CFAP54: variants seen among roughly 807,000 people sequenced by gnomAD.
The protein encoded by CFAP54 is cilia and flagella associated protein 54.
CFAP54 carries 290 observed loss-of-function variants against 370.4 expected under a neutral mutation model. The observed-to-expected ratio is 0.78, with a 90% CI of 0.71 to 0.86. The LOEUF is 0.86. Ranked by LOEUF, CFAP54 falls within the 40% of genes least tolerant of loss-of-function variation. The pLI, the probability that CFAP54 is intolerant of heterozygous loss-of-function variation, is 0.00. For synonymous variants in CFAP54, 1,206 were observed against 1,236.5 expected, an observed-to-expected ratio of 0.98 and a Z score of 0.52; for missense variants, 3,399 against 3,528.7, an observed-to-expected ratio of 0.96 and a Z score of 0.93.
Position 96,720,391 on chromosome 12 carries a change from T to C in CFAP54, c.6805-14T>C. ...ATTTCTGAACTCACGTGATGTATGGTATCCTTTCCTTAGTCGATGTTACTG... is the reference window on the plus strand; with the variant it reads ...ATTTCTGAACTCACGTGATGTATGGCATCCTTTCCTTAGTCGATGTTACTG... On this transcript the variant is annotated splice_polypyrimidine_tract_variant and intron_variant, in intron 49 of 67. Coordinates refer to ENST00000524981, the MANE Select transcript of CFAP54 (RefSeq NM_001306084.2). 6.9e-7 allele frequency: 1 copy of C among 1,451,936 alleles called. No individual in the cohort carries two copies. The highest frequency in any genetic ancestry group is 1.4e-5 in the African/African-American group (1 of 69,718). The allele number at this position is 1,451,936 out of a possible 1,614,324, so 89.9% of individuals were successfully genotyped here.
chr12:96,853,024 G>A (rs967349988), intron 66 of CFAP54, among the ~76,000 whole-genome samples: 4 of 152,072 alleles, frequency 2.6e-5, no homozygotes, highest in Admixed American at 1.3e-4. Context: ...TTAGAAAATT[G>A]TTGAGGTACA....
chr12:96,492,671 A>G (rs1356964988), intron 1 of CFAP54, among the ~76,000 whole-genome samples: 2 of 152,222 alleles, frequency 1.3e-5, no homozygotes, highest in African/African-American at 4.8e-5. Flanking sequence ...AACATTCAAT[A>G]AATATTTAGT....
intron 60 of CFAP54, among the ~76,000 whole-genome samples, chr12:96,768,946 G>A (rs1362312666): frequency 6.6e-6 from 1 of 152,158 alleles, no homozygotes; most frequent in East Asian, 1.9e-4. Flanking sequence ...AGTCATGTGT[G>A]GAGAGTGGAC....
intron 19 of CFAP54, among the ~76,000 whole-genome samples, chr12:96,575,424 G>C (rs190608973): frequency 2.7e-3 from 416 of 152,028 alleles, no homozygotes; most frequent in Non-Finnish European, 4.7e-3. Context: ...CTTTGTCAGT[G>C]TGCTTTCGGT....
chr12:96,592,181 A>G (rs991139265), intron 23 of CFAP54, among the ~76,000 whole-genome samples: 3 of 152,196 alleles, frequency 2.0e-5, no homozygotes, highest in Non-Finnish European at 4.4e-5. Flanking sequence ...TGTCACAGAG[A>G]TAGAAAAATT....
chr12:96,550,610 T>C (rs777775238), intron 15 of CFAP54, among the ~76,000 whole-genome samples: 1 of 152,110 alleles, frequency 6.6e-6, no homozygotes, highest in Non-Finnish European at 1.5e-5. Context: ...GGGATATCTT[T>C]TAGAGACTTC....
Position 96,603,638 on chromosome 12 carries a change from T to A in CFAP54, c.3639+4871T>A, listed in dbSNP as rs148018168. 4.8e-3 allele frequency among the ~76,000 whole-genome samples: 732 copies of A among 152,318 alleles called. 7 individuals are homozygous for A. Among genetic ancestry groups the A allele is most frequent in the African/African-American group, 0.017 (692 of 41,582 alleles). ...TTTTCACATAGTCCCATATTTCTTG[T>A]AGGCTTTGTTCGTTTCTTTTTACTC... is the stretch of plus-strand genomic sequence containing the variant. On this transcript the variant is annotated intron_variant, in intron 26 of 67. Coordinates refer to ENST00000524981, the MANE Select transcript of CFAP54 (RefSeq NM_001306084.2).
In CFAP54 at chr12:96,630,293, A is replaced by C. The variant is rs1285348442; in HGVS notation, c.4215+89A>C. The C allele has an allele frequency of 2.3e-5, 15 of 657,772 alleles. 1 individual carries two copies. 40.7% of individuals were successfully genotyped at this position (657,772 alleles called of 1,614,324 possible). A position where few individuals can be genotyped will look rare whatever the true frequency, so the allele number is the denominator to read the frequency against. On this transcript the variant is annotated intron_variant, in intron 31 of 67. Coordinates refer to ENST00000524981, the MANE Select transcript of CFAP54 (RefSeq NM_001306084.2). ...GATTGGCTACATTTAAACTCATTAT[A>C]ATATGAAACAGAAGGATATACTAAC...
intron 66 of CFAP54, among the ~76,000 whole-genome samples, chr12:96,832,891 C>T (rs1295831100): frequency 6.6e-6 from 1 of 152,142 alleles, no homozygotes. Flanking sequence ...GACTCACCAA[C>T]AGTACTGGGA....
intron 56 of CFAP54, among the ~76,000 whole-genome samples, chr12:96,754,717 G>A (rs1023213309): frequency 2.6e-5 from 4 of 151,752 alleles, no homozygotes; most frequent in African/African-American, 9.7e-5. Context: ...TCCCATCCTT[G>A]TTGCTACCCA....
In CFAP54 at chr12:96,806,190, AT is replaced by A. The variant is rs1565984876; in HGVS notation, c.8851-5545del. Among the ~76,000 whole-genome samples, 456 of 88,332 alleles carry A rather than the reference AT, an allele frequency of 5.2e-3. 25 individuals are homozygous for A. The highest frequency in any genetic ancestry group is 0.01 in the African/African-American group (248 of 24,054). The allele number at this position is 88,332 out of a possible 152,430, so 57.9% of individuals were successfully genotyped here. On this transcript the variant is annotated intron_variant, in intron 63 of 67. Coordinates refer to ENST00000524981, the MANE Select transcript of CFAP54 (RefSeq NM_001306084.2). ...TATATATATATATATATATATATAT[AT>A]ATATATATATATATATATATATAAT...
chr12:96,663,001 G>A (rs1421413), intron 38 of CFAP54, among the ~76,000 whole-genome samples: 128,991 of 152,100 alleles, frequency 0.85, 55,230 homozygotes, highest in African/African-American at 0.95. Context: ...TCACAAGAGT[G>A]AGAGTTTTTA....
At chr12:96,702,042 G>T (rs1592715727) in intron 46 of CFAP54, among the ~76,000 whole-genome samples, 1 of 152,262 alleles carries the variant, frequency 6.6e-6, no homozygotes, top group East Asian at 1.9e-4. Context: ...TGTGCCGAAG[G>T]GAGTGAACAG....
rs376140639 is a variant in CFAP54 at position 96,679,618 on chromosome 12, C to A, written c.5582C>A (p.Ala1861Glu). 1.2e-6 allele frequency: 2 copies of A among 1,612,792 alleles called. No homozygotes were observed. Among genetic ancestry groups the A allele is most frequent in the Admixed American group, 3.3e-5 (2 of 59,848 alleles). The change falls in exon 40 of 68, where the codon GCG becomes GAG. Residue 1861 changes from alanine (A) to glutamate (E), a missense_variant. Transcript: ENST00000524981. ...CTTTCAGAATACAGCCGAGCCAAAG[C>A]GCTTGTCTGCGTGCCCGTGGACGTG... ...LISSEYSRAK[A>E]LVCVPVDVTD...
intron 50 of CFAP54, among the ~76,000 whole-genome samples, chr12:96,723,515 TAG>T (rs1001899038): frequency 3.3e-5 from 5 of 152,044 alleles, no homozygotes; most frequent in Admixed American, 6.5e-5. Context: ...AAGGTAAGGA[TAG>T]AGAGTTGACC....
chr12:96,521,768 C>A, intron 6 of CFAP54, 89 bp from the exon 7 acceptor site: 2 of 979,858 alleles, frequency 2.0e-6, no homozygotes, highest in South Asian at 3.6e-5. Flanking sequence ...CAGATTAAAT[C>A]AAATGCCTGG....
intron 67 of CFAP54, among the ~76,000 whole-genome samples, chr12:96,873,675 T>G (rs1192743271): frequency 6.6e-6 from 1 of 152,208 alleles, no homozygotes; most frequent in Non-Finnish European, 1.5e-5. Context: ...AATAGTCAAC[T>G]CTGCCATTAC....
rs114002976 is a variant in CFAP54, at chr12:96,656,223, A to G, written c.5101-1659A>G. ...TCTCCATATGCTATTTTGATCTCCA[A>G]ATGTCAGTCTTGTTCATTTCTCAGT... On this transcript the variant is annotated intron_variant, in intron 36 of 67. Transcript: ENST00000524981. Among the ~76,000 whole-genome samples, 459 of 152,232 alleles carry G rather than the reference A, an allele frequency of 3.0e-3. 2 individuals are homozygous for G. Among genetic ancestry groups the G allele is most frequent in the African/African-American group, 0.011 (445 of 41,528 alleles).
chr12:96,551,880 A>C (rs752951972), intron 15 of CFAP54, among the ~76,000 whole-genome samples: 3 of 152,190 alleles, frequency 2.0e-5, no homozygotes, highest in Non-Finnish European at 4.4e-5. Flanking sequence ...TCTTCTGTTC[A>C]GCATGTCCTG....
Sources: gnomAD v4.1 joint callset for allele counts (sites outside exome capture counted in the v4.1 genomes callset) on GRCh38, gnomAD v4.1.1 for gene constraint, MANE v1.5 for transcripts, NCBI Gene and HGNC (gene_info 2026-07-23, HGNC 2026-07-21) for gene names.